CDH8: variants seen among roughly 807,000 people sequenced by gnomAD.
CDH8 encodes cadherin-8.
CDH8 carries 17 observed loss-of-function variants against 68.1 expected under a neutral mutation model. That is an observed-to-expected ratio of 0.25 (90% CI 0.17 to 0.37). The LOEUF (loss-of-function observed/expected upper bound fraction) is 0.37, where lower values mean the gene tolerates loss of function less well. CDH8 is among the 10% of genes least tolerant of loss of function. The pLI, the probability that CDH8 is intolerant of heterozygous loss-of-function variation, is 1.00. For missense variants in CDH8, 763 were observed against 999.3 expected (o/e 0.76, Z 3.19); for synonymous variants, 372 against 365.1 (o/e 1.02, Z -0.21).
intron 10 of CDH8, among the ~76,000 whole-genome samples, chr16:61,675,457 G>A (rs1316370347): frequency 6.0e-5 from 7 of 116,486 alleles, no homozygotes; most frequent in Non-Finnish European, 1.2e-4. Flanking sequence ...GGTGGGGTGG[G>A]GGGAGGGGGG....
chr16:61,898,989 A>T (rs555563667), intron 3 of CDH8, among the ~76,000 whole-genome samples: 13 of 152,134 alleles, frequency 8.5e-5, no homozygotes, highest in African/African-American at 2.9e-4. Flanking sequence ...TGCATTTTTT[A>T]AAATTATACT....
chr16:61,960,406 CATATAT>C lies in CDH8; in HGVS notation c.253-58939_253-58934del, dbSNP rs1401693187. ...GTGTGTGTATACACATACATATATA[CATATAT>C]GTGTGTGTGTATACACATACATATG... is the stretch of plus-strand genomic sequence containing the variant. On this transcript the variant is annotated intron_variant, in intron 2 of 11. Transcript: ENST00000577390. 2.2e-4 allele frequency among the ~76,000 whole-genome samples: 26 copies of C among 120,460 alleles called. 3 individuals carry two copies. Among genetic ancestry groups the C allele is most frequent in the Admixed American group, 1.6e-3 (20 of 12,342 alleles). 79.0% of individuals were successfully genotyped at this position (120,460 alleles called of 152,430 possible).
chr16:61,849,388 C>A (rs1567498899), intron 4 of CDH8, among the ~76,000 whole-genome samples: 1 of 152,034 alleles, frequency 6.6e-6, no homozygotes, highest in Non-Finnish European at 1.5e-5. Flanking sequence ...AAAAACCACT[C>A]TTTGGCTTCC....
At chr16:61,942,716 A>G (rs942603088) in intron 2 of CDH8, among the ~76,000 whole-genome samples, 3 of 152,112 alleles carry the variant, frequency 2.0e-5, no homozygotes, top group African/African-American at 7.2e-5. Context: ...AGACATTTTC[A>G]TTACTCCCCC....
chr16:61,724,432 C>T (rs1275240016), intron 9 of CDH8, among the ~76,000 whole-genome samples: 1 of 150,274 alleles, frequency 6.7e-6, no homozygotes, highest in East Asian at 2.0e-4. Context: ...TTTTGTGAGC[C>T]GTTTTGAAAA....
intron 2 of CDH8, among the ~76,000 whole-genome samples, chr16:61,981,989 A>G (rs1489817026): frequency 6.6e-6 from 1 of 152,096 alleles, no homozygotes; most frequent in Non-Finnish European, 1.5e-5. Flanking sequence ...TCAGGAAAGA[A>G]AGTCATTATT....
chr16:61,770,819 C>T (rs1390974168), intron 8 of CDH8, among the ~76,000 whole-genome samples: 1 of 151,916 alleles, frequency 6.6e-6, no homozygotes, highest in African/African-American at 2.4e-5. Flanking sequence ...GAAACTTCAC[C>T]GCCAGGCCAG....
chr16:61,851,037 T>C (rs1296787175), intron 4 of CDH8, among the ~76,000 whole-genome samples: 1 of 152,052 alleles, frequency 6.6e-6, no homozygotes, highest in Non-Finnish European at 1.5e-5. Context: ...CCACCCCTTC[T>C]GAAATGTCTT....
chr16:61,721,497 CA>C (rs202108642), intron 9 of CDH8, among the ~76,000 whole-genome samples: 3 of 150,228 alleles, frequency 2.0e-5, no homozygotes, highest in African/African-American at 4.9e-5. Flanking sequence ...AGAAACTAGA[CA>C]AAAAAAATAA....
Position 61,652,095 on chromosome 16 carries a change from G to C in CDH8, c.*1513C>G, listed in dbSNP as rs1290102019. On this transcript the variant is annotated 3_prime_UTR_variant, in exon 12 of 12. Transcript: ENST00000577390. ...ATACATGGAGTGAATAAACAATATT[G>C]CATTAAAGCAAAGTAGAAAATTAAA... The C allele has an allele frequency of 7.6e-6, 7 of 921,956 alleles. No homozygotes were observed. Among genetic ancestry groups the C allele is most frequent in the Non-Finnish European group, 9.1e-6 (7 of 772,390 alleles). 57.1% of individuals were successfully genotyped at this position (921,956 alleles called of 1,614,324 possible).
intron 2 of CDH8, among the ~76,000 whole-genome samples, chr16:61,960,588 A>G (rs938054496): frequency 6.6e-6 from 1 of 152,186 alleles, no homozygotes; most frequent in Non-Finnish European, 1.5e-5. Context: ...GTGCCCAAAA[A>G]GACTCTTGAT....
At chr16:61,782,181 G>A (rs1450384536) in intron 8 of CDH8, among the ~76,000 whole-genome samples, 1 of 152,164 alleles carries the variant, frequency 6.6e-6, no homozygotes. Flanking sequence ...GAGGTACCGG[G>A]TTCATCTCAC....
chr16:61,766,661 T>C (rs1263434527), intron 8 of CDH8, among the ~76,000 whole-genome samples: 1 of 151,882 alleles, frequency 6.6e-6, no homozygotes, highest in Non-Finnish European at 1.5e-5. Context: ...TGTTTGTTTG[T>C]TTGTTTGTTT....
intron 2 of CDH8, among the ~76,000 whole-genome samples, chr16:61,994,068 G>C (rs556647759): frequency 6.6e-6 from 1 of 152,074 alleles, no homozygotes; most frequent in Non-Finnish European, 1.5e-5. Context: ...ATTTCTCATG[G>C]CTGGGAAGTA....
chr16:61,672,075 G>C (rs1189997883), intron 10 of CDH8, among the ~76,000 whole-genome samples: 2 of 151,428 alleles, frequency 1.3e-5, no homozygotes, highest in Non-Finnish European at 2.9e-5. Flanking sequence ...GATTTTTTTT[G>C]AATGAGTCTT....
At chr16:61,731,817 G>A (rs1188963706) in intron 8 of CDH8, among the ~76,000 whole-genome samples, 1 of 151,716 alleles carries the variant, frequency 6.6e-6, no homozygotes, top group Non-Finnish European at 1.5e-5. Context: ...AGATTTAACA[G>A]AGTTCAAAGT....
chr16:61,883,223 A>AGTG, intron 3 of CDH8, among the ~76,000 whole-genome samples: 1 of 152,146 alleles, frequency 6.6e-6, no homozygotes, highest in Non-Finnish European at 1.5e-5. Context: ...AACAAGAGAA[A>AGTG]CATACCAGCA....
At chr16:62,015,705 G>T (rs1350086105) in intron 2 of CDH8, among the ~76,000 whole-genome samples, 1 of 152,114 alleles carries the variant, frequency 6.6e-6, no homozygotes, top group East Asian at 1.9e-4. Flanking sequence ...TAAGAGATGG[G>T]TCTATTGAAA....
chr16:61,653,038 G>A lies in CDH8; in HGVS notation c.*570C>T. 7.2e-7 allele frequency: 1 copy of A among 1,396,128 alleles called. No homozygotes were observed. The highest frequency in any genetic ancestry group is 2.6e-5 in the East Asian group (1 of 37,904). The allele number at this position is 1,396,128 out of a possible 1,614,324, so 86.5% of individuals were successfully genotyped here. A position where few individuals can be genotyped will look rare whatever the true frequency, so the allele number is the denominator to read the frequency against. ...AAAGATGCTATTCAGTCTCTAGTGAGTGGGGCCAACAATTATGTACAATGT... is the reference window on the plus strand; with the variant it reads ...AAAGATGCTATTCAGTCTCTAGTGAATGGGGCCAACAATTATGTACAATGT... On this transcript the variant is annotated 3_prime_UTR_variant, in exon 12 of 12. Transcript: ENST00000577390.
Sources: gnomAD v4.1 joint callset for allele counts (sites outside exome capture counted in the v4.1 genomes callset) on GRCh38, gnomAD v4.1.1 for gene constraint, MANE v1.5 for transcripts, NCBI Gene and HGNC (gene_info 2026-07-23, HGNC 2026-07-21) for gene names.